Variants in TACR3 observed in about 807,000 individuals in gnomAD.
TACR3 encodes the protein neuromedin-K receptor.
TACR3 carries 34 observed loss-of-function variants against 35.0 expected under a neutral mutation model. The ratio of observed to expected loss-of-function variants is 0.97; its 90% confidence interval spans 0.74 to 1.30. TACR3 has a LOEUF of 1.30. Ranked by LOEUF, TACR3 falls within the 50% of genes most tolerant of loss-of-function variation. The pLI, the probability that TACR3 is intolerant of heterozygous loss-of-function variation, is 0.00. For synonymous variants in TACR3, 233 were observed against 221.1 expected (o/e 1.05, Z -0.48); for missense variants, 558 against 591.7 (o/e 0.94, Z 0.59).
Position 103,680,468 on chromosome 4 carries a change from GAT to G in TACR3, c.549-22067_549-22066del, listed in dbSNP as rs138086790. ...CCATTAGAAAGTTTCCAGATTAAGT[GAT>G]ATATATATATATATATACATACATA... On this transcript the variant is annotated intron_variant, in intron 1 of 4. Coordinates refer to ENST00000304883, the MANE Select transcript of TACR3 (RefSeq NM_001059.3). 4.9e-3 allele frequency among the ~76,000 whole-genome samples: 694 copies of G among 143,022 alleles called. 5 individuals carry two copies. Among genetic ancestry groups the G allele is most frequent in the African/African-American group, 0.013 (521 of 39,410 alleles). The allele number at this position is 143,022 out of a possible 152,430, so 93.8% of individuals were successfully genotyped here. A position where few individuals can be genotyped will look rare whatever the true frequency, so the allele number is the denominator to read the frequency against.
Position 103,719,539 on chromosome 4 carries a change from T to G in TACR3, c.137A>C (p.Asp46Ala). The G allele has an allele frequency of 1.9e-6, 3 of 1,608,292 alleles. No homozygotes were observed. The highest frequency in any genetic ancestry group is 2.6e-6 in the Non-Finnish European group (3 of 1,175,720). ...GGAGGAGGAGAGGTTGCCAGCTTGG[T>G]CCAGCAGTTGCAGCCACCCAGTCTC... ...AVETGWLQLL[D>A]QAGNLSSSPS... Residue 46 changes from aspartate to alanine, a missense_variant, in exon 1 of 5, where the codon GAC becomes GCC. Transcript: ENST00000304883.
At chr4:103,646,463 A>G (rs1725456865) in intron 3 of TACR3, among the ~76,000 whole-genome samples, 1 of 151,990 alleles carries the variant, frequency 6.6e-6, no homozygotes. Context: ...TATAATTATA[A>G]TCATTTAAAT....
intron 1 of TACR3, among the ~76,000 whole-genome samples, chr4:103,680,048 T>C (rs1451732365): frequency 6.6e-6 from 1 of 151,878 alleles, no homozygotes; most frequent in Non-Finnish European, 1.5e-5. Flanking sequence ...TGAAAGCACT[T>C]GTTATGCCTC....
At chr4:103,696,930 T>C (rs1722533347) in intron 1 of TACR3, among the ~76,000 whole-genome samples, 1 of 152,182 alleles carries the variant, frequency 6.6e-6, no homozygotes, top group Non-Finnish European at 1.5e-5. Flanking sequence ...ATTATTATTA[T>C]TGAGACAGGT....
At chr4:103,593,389 A>G (rs1324953337) in intron 3 of TACR3, 1 of 152,184 alleles carries the variant, frequency 6.6e-6, no homozygotes, top group African/African-American at 2.4e-5. Flanking sequence ...TAATGAAAAA[A>G]AGGAAATGTA....
chr4:103,713,222 A>T (rs61403578), intron 1 of TACR3, among the ~76,000 whole-genome samples: 2,996 of 152,094 alleles, frequency 0.02, 104 homozygotes, highest in African/African-American at 0.068. Context: ...CTTGGAACCA[A>T]CCCAAATGTC....
intron 1 of TACR3, among the ~76,000 whole-genome samples, chr4:103,694,260 T>C (rs1722474905): frequency 6.8e-6 from 1 of 148,092 alleles, no homozygotes; most frequent in Non-Finnish European, 1.5e-5. Flanking sequence ...GCTTACACCA[T>C]GCACACTTAT....
chr4:103,629,565 T>C (rs1047596206), intron 3 of TACR3, among the ~76,000 whole-genome samples: 3 of 151,992 alleles, frequency 2.0e-5, no homozygotes, highest in African/African-American at 7.3e-5. Context: ...ATAAAATACC[T>C]GGGAATCCAA....
intron 1 of TACR3, among the ~76,000 whole-genome samples, chr4:103,684,075 C>G (rs1722175514): frequency 6.6e-6 from 1 of 151,926 alleles, no homozygotes; most frequent in South Asian, 2.1e-4. Flanking sequence ...AGACAATGTC[C>G]TAAATCTGAT....
Position 103,664,421 on chromosome 4 carries a change from G to A in TACR3, c.549-6018C>T, listed in dbSNP as rs560601970. On this transcript the variant is annotated intron_variant, in intron 1 of 4. Coordinates refer to ENST00000304883, the MANE Select transcript of TACR3 (RefSeq NM_001059.3). ...TATTAAGTTGTTTCTGGATTTTTATGAGCTTTTACATATCTTCAAGTTTTT... is the reference window on the plus strand; with the variant it reads ...TATTAAGTTGTTTCTGGATTTTTATAAGCTTTTACATATCTTCAAGTTTTT... Among the ~76,000 whole-genome samples the A allele has an allele frequency of 1.6e-3, 248 of 152,184 alleles. 2 individuals are homozygous for A. The highest frequency in any genetic ancestry group is 3.5e-3 in the Admixed American group (53 of 15,272).
At chr4:103,685,384 G>C (rs1216370056) in intron 1 of TACR3, among the ~76,000 whole-genome samples, 1 of 152,032 alleles carries the variant, frequency 6.6e-6, no homozygotes, top group Non-Finnish European at 1.5e-5. Context: ...ACATCTAAAA[G>C]TAAAACATTA....
At chr4:103,636,416 T>C (rs1240812276) in intron 3 of TACR3, among the ~76,000 whole-genome samples, 2 of 151,990 alleles carry the variant, frequency 1.3e-5, no homozygotes, top group Non-Finnish European at 2.9e-5. Context: ...TAGATGAATT[T>C]TGATTGCTGA....
chr4:103,694,492 C>T (rs1722480741), intron 1 of TACR3, among the ~76,000 whole-genome samples: 1 of 152,112 alleles, frequency 6.6e-6, no homozygotes, highest in Non-Finnish European at 1.5e-5. Flanking sequence ...GCTTCCCGTA[C>T]CAAGTTCCGT....
At chr4:103,591,457 G>A (rs772666503) in intron 4 of TACR3, 30 bp downstream of exon 4, 10 of 1,611,684 alleles carry the variant, frequency 6.2e-6, no homozygotes, top group Middle Eastern at 1.7e-4. Flanking sequence ...GGTGTGACAA[G>A]CAACTTGCAT....
chr4:103,669,502 T>A (rs955211862), intron 1 of TACR3, among the ~76,000 whole-genome samples: 1 of 152,150 alleles, frequency 6.6e-6, no homozygotes, highest in Admixed American at 6.6e-5. Flanking sequence ...CTCATCAGCA[T>A]CTATTACTTT....
chr4:103,695,895 T>G (rs1722511147), intron 1 of TACR3, among the ~76,000 whole-genome samples: 1 of 152,196 alleles, frequency 6.6e-6, no homozygotes, highest in Non-Finnish European at 1.5e-5. Context: ...ACTTAGATGA[T>G]CATATACTTA....
At chr4:103,706,654 G>T (rs908490618) in intron 1 of TACR3, among the ~76,000 whole-genome samples, 29 of 152,232 alleles carry the variant, frequency 1.9e-4, no homozygotes, top group Non-Finnish European at 4.1e-4. Context: ...GGATGTGACG[G>T]TCATAGGTTG....
chr4:103,674,426 A>G (rs949894952), intron 1 of TACR3, among the ~76,000 whole-genome samples: 4 of 152,252 alleles, frequency 2.6e-5, no homozygotes, highest in African/African-American at 9.6e-5. Flanking sequence ...AGATGGAAGT[A>G]GGCTCCCTCA....
intron 3 of TACR3, among the ~76,000 whole-genome samples, chr4:103,634,251 A>G (rs973187156): frequency 2.0e-5 from 3 of 152,128 alleles, no homozygotes; most frequent in Non-Finnish European, 4.4e-5. Flanking sequence ...TTGCTTAAAA[A>G]TCTTTCTTTT....
Sources: allele counts gnomAD v4.1 joint callset (sites outside exome capture counted in the v4.1 genomes callset), GRCh38; gene constraint gnomAD v4.1.1; transcripts MANE v1.5; gene names NCBI Gene and HGNC (gene_info 2026-07-23, HGNC 2026-07-21).